Variants in TDRD9 observed in about 807,000 individuals in gnomAD.
TDRD9 encodes the protein tudor domain containing 9, also known as ATP-dependent RNA helicase TDRD9.
Under a neutral mutation model 172.6 loss-of-function variants are expected in TDRD9, and 124 were observed. The ratio of observed to expected loss-of-function variants is 0.72; its 90% CI spans 0.62 to 0.83. The LOEUF (loss-of-function observed/expected upper bound fraction) is 0.83, where lower values mean the gene tolerates loss of function less well. TDRD9 is among the 40% of genes least tolerant of loss of function. The pLI, the probability that TDRD9 is intolerant of heterozygous loss-of-function variation, is 0.00. For missense variants in TDRD9, 1,479 were observed against 1,714.1 expected (o/e 0.86, Z 2.42); for synonymous variants, 619 against 617.1 (o/e 1.00, Z -0.05).
chr14:103,956,111 AATATATAT>A (rs1173008862), intron 2 of TDRD9, among the ~76,000 whole-genome samples: 2,275 of 18,280 alleles, frequency 0.12, 212 homozygotes, highest in East Asian at 0.15. Context: ...AAAAAAAAAA[AATATATAT>A]ATATATATAT....
intron 19 of TDRD9, 36 bp from the exon 20 acceptor site, chr14:104,008,377 C>T (rs745678409): frequency 1.0e-4 from 120 of 1,195,400 alleles, no homozygotes; most frequent in Non-Finnish European, 1.1e-4. Flanking sequence ...AATTTATTAC[C>T]TTAATATTGA....
At chr14:104,011,326 T>C (rs1448437846) in intron 20 of TDRD9, among the ~76,000 whole-genome samples, 1 of 152,216 alleles carries the variant, frequency 6.6e-6, no homozygotes, top group African/African-American at 2.4e-5. Flanking sequence ...GAAATTGGCC[T>C]CTGGTTTACG....
intron 19 of TDRD9, among the ~76,000 whole-genome samples, chr14:104,007,459 C>T (rs1309173347): frequency 6.6e-6 from 1 of 152,194 alleles, no homozygotes; most frequent in Non-Finnish European, 1.5e-5. Context: ...TGTTTCATGG[C>T]TCCACATTGT....
intron 1 of TDRD9, chr14:103,941,708 G>A (rs2031247506): frequency 3.4e-6 from 5 of 1,482,074 alleles, no homozygotes; most frequent in Non-Finnish European, 4.5e-6. Context: ...TTAGCCTATG[G>A]AAATATTTTC....
At chr14:104,009,887 T>C (rs537821199) in intron 20 of TDRD9, among the ~76,000 whole-genome samples, 9 of 152,148 alleles carry the variant, frequency 5.9e-5, no homozygotes, top group African/African-American at 2.2e-4. Flanking sequence ...TGCCTCAGCC[T>C]CTGCAGTAGC....
chr14:104,041,354 T>C (rs2035606547), intron 33 of TDRD9, among the ~76,000 whole-genome samples: 1 of 152,222 alleles, frequency 6.6e-6, no homozygotes, highest in South Asian at 2.1e-4. Context: ...AAGCACAATC[T>C]GTGAAGGGGA....
intron 1 of TDRD9, among the ~76,000 whole-genome samples, chr14:103,952,206 ATATATATATATATATTTTTTTTTTTTTTT>A (rs2031931278): frequency 1.3e-5 from 1 of 77,154 alleles, no homozygotes; most frequent in African/African-American, 6.7e-5. Flanking sequence ...ATATATATAT[ATATATATATATATATTTTTTTTTTTTTTT>A]TTTTTTTTTT....
chr14:103,948,150 A>T (rs1446488935), intron 1 of TDRD9, among the ~76,000 whole-genome samples: 3 of 151,796 alleles, frequency 2.0e-5, no homozygotes, highest in African/African-American at 7.3e-5. Flanking sequence ...AGTAGTTGGG[A>T]CTATAGGTGT....
intron 1 of TDRD9, among the ~76,000 whole-genome samples, chr14:103,952,212 ATATATATATTTTTTTTTTTTTTT>A (rs1566734802): frequency 9.0e-5 from 6 of 66,398 alleles, no homozygotes; most frequent in East Asian, 3.9e-4. Flanking sequence ...ATATATATAT[ATATATATATTTTTTTTTTTTTTT>A]TTTTTTTTTT....
rs979887248 is a variant in TDRD9, at chr14:103,975,270, T to G, written c.847-119T>G. ...TAGAGATTAAATCAGGGTGGTCTGT[T>G]TAAAGTCTCAAAAGTTGTTAGATAA... On this transcript the variant is annotated intron_variant, in intron 6 of 35. Transcript: ENST00000409874. 8 of 889,378 alleles carry G rather than the reference T, an allele frequency of 9.0e-6. No individual in the cohort carries two copies. The African/African-American group carries it at 1.3e-4, about 15-fold the overall frequency. The allele number at this position is 889,378 out of a possible 1,614,324, so 55.1% of individuals were successfully genotyped here.
At chr14:103,928,923 GGT>G in intron 1 of TDRD9, 199 bp downstream of exon 1, 1 of 183,068 alleles carries the variant, frequency 5.5e-6, no homozygotes, top group Non-Finnish European at 1.1e-5. Context: ...CTGAGCTAGA[GGT>G]TTTTTTTTTT....
At chr14:103,957,871 A>T (rs10149351) in intron 2 of TDRD9, among the ~76,000 whole-genome samples, 65,636 of 152,026 alleles carry the variant, frequency 0.43, 14,404 homozygotes, top group Admixed American at 0.51. Flanking sequence ...TGAATGCCTG[A>T]AACTCGAAGT....
intron 13 of TDRD9, among the ~76,000 whole-genome samples, chr14:104,000,177 A>G (rs2034212650): frequency 6.6e-6 from 1 of 151,846 alleles, no homozygotes; most frequent in Non-Finnish European, 1.5e-5. Flanking sequence ...AAACACAAAA[A>G]ATTAGCTGGG....
intron 1 of TDRD9, among the ~76,000 whole-genome samples, chr14:103,930,879 C>CT (rs1353670060): frequency 6.6e-6 from 1 of 152,146 alleles, no homozygotes; most frequent in Admixed American, 6.5e-5. Context: ...ATTTTAAGCA[C>CT]TAAGGACAAG....
Position 104,018,061 on chromosome 14 carries a change from A to G in TDRD9, c.2332-31A>G, listed in dbSNP as rs1451773135. The G allele has an allele frequency of 3.8e-6, 5 of 1,320,366 alleles. No individual in the cohort carries two copies. The Admixed American group carries it at 9.3e-5, about 25-fold the overall frequency. The allele number at this position is 1,320,366 out of a possible 1,614,324, so 81.8% of individuals were successfully genotyped here. A position where few individuals can be genotyped will look rare whatever the true frequency, so the allele number is the denominator to read the frequency against. On this transcript the variant is annotated intron_variant, in intron 22 of 35. Transcript: ENST00000409874. ...TGAAACTATTTTGTTAGCTCTAGTA[A>G]TCTGCTCTGATTTTGTGTTATATTT... is the stretch of plus-strand genomic sequence containing the variant.
chr14:104,026,002 T>A (rs751646720), intron 26 of TDRD9, 45 bp from the exon 27 acceptor site: 1 of 1,319,316 alleles, frequency 7.6e-7, no homozygotes, highest in East Asian at 2.3e-5. Context: ...GGTAGGGCAT[T>A]GTTTTTGACC....
Position 103,991,229 on chromosome 14 carries a change from G to C in TDRD9, c.1180+5G>C, listed in dbSNP as rs776650258. ...GTGTGTTGGTGTTTTTGCCAGGTAA[G>C]AACATCATAATTTTGTGACTTGGAA... On this transcript the variant is annotated splice_donor_5th_base_variant and intron_variant, in intron 9 of 35. Coordinates refer to ENST00000409874, the MANE Select transcript of TDRD9 (RefSeq NM_153046.3). The C allele has an allele frequency of 1.2e-6, 2 of 1,613,788 alleles. No homozygotes were observed. The highest frequency in any genetic ancestry group is 1.1e-5 in the South Asian group (1 of 91,064).
intron 33 of TDRD9, 95 bp downstream of exon 33, chr14:104,040,429 T>C: frequency 1.6e-6 from 2 of 1,284,272 alleles, no homozygotes; most frequent in Non-Finnish European, 2.0e-6. Context: ...GAGCTCGCGG[T>C]GCAGACACAC....
At chr14:103,984,797 C>T (rs2033603241) in intron 7 of TDRD9, among the ~76,000 whole-genome samples, 1 of 152,140 alleles carries the variant, frequency 6.6e-6, no homozygotes, top group South Asian at 2.1e-4. Flanking sequence ...GTACCACGCA[C>T]CTGGAAAAGC....
Sources: allele counts gnomAD v4.1 joint callset (sites outside exome capture counted in the v4.1 genomes callset), GRCh38; gene constraint gnomAD v4.1.1; transcripts MANE v1.5; gene names NCBI Gene and HGNC (gene_info 2026-07-23, HGNC 2026-07-21).